DNAH7: variants seen among roughly 807,000 people sequenced by gnomAD.
The protein encoded by DNAH7 is dynein axonemal heavy chain 7, also known as axonemal beta dynein heavy chain 7.
DNAH7 carries 397 observed loss-of-function variants against 444.6 expected under a neutral mutation model. That is an observed-to-expected ratio of 0.89 (90% CI 0.82 to 0.97). The LOEUF (loss-of-function observed/expected upper bound fraction) is 0.97, where lower values mean the gene tolerates loss of function less well. Ranked by LOEUF, DNAH7 falls within the 50% of genes least tolerant of loss-of-function variation. DNAH7 has a pLI of 0.00. For synonymous variants in DNAH7, 1,636 were observed against 1,624.4 expected (o/e 1.01, Z -0.17); for missense variants, 4,902 against 4,800.8 (o/e 1.02, Z -0.62).
chr2:195,780,515 G>A (rs1363484399), intron 58 of DNAH7, among the ~76,000 whole-genome samples: 7 of 152,028 alleles, frequency 4.6e-5, no homozygotes, highest in South Asian at 2.1e-4. Flanking sequence ...TTGGGAGGCC[G>A]AGGCAGGTAG....
intron 5 of DNAH7, among the ~76,000 whole-genome samples, chr2:196,034,080 G>T (rs1399010406): frequency 6.6e-6 from 1 of 152,020 alleles, no homozygotes; most frequent in Non-Finnish European, 1.5e-5. Context: ...GATATAAAAA[G>T]AAAAAAGCAT....
At chr2:195,952,287 T>C (rs914506071) in intron 19 of DNAH7, among the ~76,000 whole-genome samples, 1 of 152,240 alleles carries the variant, frequency 6.6e-6, no homozygotes, top group Non-Finnish European at 1.5e-5. Context: ...GGAGGGCTTC[T>C]GCAGAGAGAT....
Position 195,816,742 on chromosome 2 carries a change from GA to G in DNAH7, c.9646del (p.Ser3216LeufsTer5). On this transcript the variant is annotated frameshift_variant, in exon 51 of 65. Coordinates refer to ENST00000312428, the MANE Select transcript of DNAH7 (RefSeq NM_018897.3). LOFTEE classifies it high-confidence loss of function. Reference protein sequence around the residue: ...IAIHSSILFFSLADLANIEPM... With the variant: ...IAIHSSILFFXLADLANIEPM... ...CTCAATGTTGGCTAAATCAGCAAGAGAAAAAAATAGGATGGAAGAATGGATG... is the reference window on the plus strand; with the variant it reads ...CTCAATGTTGGCTAAATCAGCAAGAGAAAAAATAGGATGGAAGAATGGATG... The G allele has an allele frequency of 1.2e-6, 2 of 1,614,130 alleles. No individual in the cohort carries two copies. The highest frequency in any genetic ancestry group is 1.7e-6 in the Non-Finnish European group (2 of 1,179,996).
At chr2:196,010,539 A>G (rs1460137099) in intron 10 of DNAH7, among the ~76,000 whole-genome samples, 1 of 152,192 alleles carries the variant, frequency 6.6e-6, no homozygotes, top group Non-Finnish European at 1.5e-5. Flanking sequence ...CTAAAATTAC[A>G]GCTACCATAT....
intron 21 of DNAH7, among the ~76,000 whole-genome samples, chr2:195,934,174 A>C (rs894627488): frequency 6.6e-6 from 1 of 152,238 alleles, no homozygotes; most frequent in African/African-American, 2.4e-5. Context: ...ATTATTTTCT[A>C]ACATTTTGTA....
Position 195,771,688 on chromosome 2 carries a change from G to C in DNAH7, c.11405C>G (p.Ser3802Trp). 6.2e-7 allele frequency: 1 copy of C among 1,613,512 alleles called. No individual in the cohort carries two copies. ...FNKLLKTIRD[S>W]CVNIQKAIKG... ...GATTGCTTTTTGAATATTTACGCAC[G>C]AATCTCTTATGGTCTTCAGTAACTT... The change falls in exon 61 of 65, where the codon TCG becomes TGG. Residue 3802 changes from serine to tryptophan, a missense_variant. Coordinates refer to ENST00000312428, the MANE Select transcript of DNAH7 (RefSeq NM_018897.3).
chr2:195,865,239 A>G (rs1700259512), intron 40 of DNAH7, among the ~76,000 whole-genome samples: 1 of 152,188 alleles, frequency 6.6e-6, no homozygotes, highest in Non-Finnish European at 1.5e-5. Context: ...TCAGTTATCA[A>G]TCAATGAAAG....
chr2:196,052,474 A>C (rs886541200), intron 2 of DNAH7, among the ~76,000 whole-genome samples: 2 of 152,226 alleles, frequency 1.3e-5, no homozygotes, highest in East Asian at 1.9e-4. Flanking sequence ...GTAAATTATC[A>C]ATGTTTATAT....
intron 16 of DNAH7, among the ~76,000 whole-genome samples, chr2:195,970,583 T>A (rs888129114): frequency 1.3e-5 from 2 of 152,196 alleles, no homozygotes; most frequent in African/African-American, 4.8e-5. Flanking sequence ...AGGTTATTTT[T>A]CTTGTCCAAT....
At chr2:195,997,310 G>A (rs973504929) in intron 12 of DNAH7, among the ~76,000 whole-genome samples, 15 of 151,996 alleles carry the variant, frequency 9.9e-5, no homozygotes, top group African/African-American at 3.4e-4. Context: ...CAAGAGATCC[G>A]GACCCATCCT....
chr2:196,001,632 A>G (rs1166448696), intron 11 of DNAH7, 43 bp downstream of exon 11: 1 of 1,418,318 alleles, frequency 7.1e-7, no homozygotes. Flanking sequence ...ATTAAAAATA[A>G]ATAAATTTGT....
At chr2:195,863,561 C>G (rs540259978) in intron 41 of DNAH7, among the ~76,000 whole-genome samples, 1 of 152,128 alleles carries the variant, frequency 6.6e-6, no homozygotes, top group Non-Finnish European at 1.5e-5. Context: ...CTGGCTTTCT[C>G]GCTCTTAACT....
chr2:195,964,594 C>T (rs1202261168), intron 17 of DNAH7, among the ~76,000 whole-genome samples: 1 of 144,292 alleles, frequency 6.9e-6, no homozygotes, highest in Non-Finnish European at 1.5e-5. Context: ...TGGCCGGGCA[C>T]GGTGGCTCAC....
At chr2:196,032,383 C>T (rs1198961938) in intron 5 of DNAH7, among the ~76,000 whole-genome samples, 4 of 152,128 alleles carry the variant, frequency 2.6e-5, no homozygotes, top group East Asian at 1.9e-4. Context: ...CAGCCCAAAA[C>T]TCATACAGGA....
intron 40 of DNAH7, among the ~76,000 whole-genome samples, chr2:195,870,402 C>G (rs1316972323): frequency 6.6e-6 from 1 of 152,078 alleles, no homozygotes; most frequent in African/African-American, 2.4e-5. Flanking sequence ...AGTGGGCAAG[C>G]CTGCAGATAA....
intron 54 of DNAH7, among the ~76,000 whole-genome samples, chr2:195,805,117 T>C (rs1350921361): frequency 3.9e-5 from 6 of 152,204 alleles, no homozygotes; most frequent in Non-Finnish European, 8.8e-5. Context: ...ATCTTATTGA[T>C]AGCTCCATGT....
At chr2:196,048,781 T>C (rs1485275543) in intron 3 of DNAH7, among the ~76,000 whole-genome samples, 2 of 110,480 alleles carry the variant, frequency 1.8e-5, no homozygotes, top group African/African-American at 5.1e-5. Flanking sequence ...CTCATGGCTG[T>C]AAACCACCCT....
intron 54 of DNAH7, among the ~76,000 whole-genome samples, chr2:195,801,167 C>T (rs1439139967): frequency 6.6e-6 from 1 of 152,184 alleles, no homozygotes; most frequent in African/African-American, 2.4e-5. Flanking sequence ...TTTCTAATCT[C>T]TCTTCTTTAT....
At chr2:196,015,387 A>C (rs1471876157) in intron 9 of DNAH7, among the ~76,000 whole-genome samples, 3 of 152,142 alleles carry the variant, frequency 2.0e-5, no homozygotes, top group Non-Finnish European at 4.4e-5. Context: ...TCCTAGATTC[A>C]TCTTCATCAA....
Sources: gnomAD v4.1 joint callset for allele counts (sites outside exome capture counted in the v4.1 genomes callset) on GRCh38, gnomAD v4.1.1 for gene constraint, MANE v1.5 for transcripts, NCBI Gene and HGNC (gene_info 2026-07-23, HGNC 2026-07-21) for gene names.